The following MYO1E variants were observed in gnomAD, a reference collection of about 807,000 sequenced individuals.
MYO1E encodes myosin IE.
MYO1E carries 68 observed loss-of-function variants against 151.1 expected under a neutral mutation model. The observed-to-expected ratio is 0.45, with a 90% confidence interval of 0.37 to 0.55. The LOEUF is 0.55. Among genes scored for constraint, MYO1E ranks in the 20% least tolerant of loss-of-function variants. The probability of loss-of-function intolerance (pLI) is 0.00; values close to 1 mark genes in which losing one functional copy is unlikely to be tolerated. For missense variants in MYO1E, 1,363 were observed against 1,389.3 expected (o/e 0.98, Z 0.30); for synonymous variants, 601 against 501.7 (o/e 1.20, Z -2.64).
rs371974020 is a variant in MYO1E, at chr15:59,160,743, T to C, written c.2785+330A>G. ...CCAGTCAATTTCTTTAAAGGTGGCA[T>C]AGAGGATGATGTTGGTATTGTGGAC... On this transcript the variant is annotated intron_variant, in intron 24 of 27. Coordinates refer to ENST00000288235, the MANE Select transcript of MYO1E (RefSeq NM_004998.4). Among the ~76,000 whole-genome samples, 20 of 151,990 alleles carry C rather than the reference T, an allele frequency of 1.3e-4. No homozygotes were observed. In the East Asian group the frequency reaches 3.5e-3, roughly 26 times the overall value.
chr15:59,210,565 G>A lies in MYO1E; in HGVS notation c.1311C>T (p.Pro437=). 3 of 1,605,576 alleles carry A rather than the reference G, an allele frequency of 1.9e-6. No homozygotes were observed. The South Asian group carries it at 3.3e-5, about 18-fold the overall frequency. Reference sequence around the variant, plus strand: ...CGATTTTATTATTAAAGTACTCAATGGGTGTCCATCTTATTCCCTCTTGAA... The same window carrying A: ...CGATTTTATTATTAAAGTACTCAATAGGTGTCCATCTTATTCCCTCTTGAA... ...EYVQEGIRWT[P]IEYFNNKIVC... The change falls in exon 13 of 28, where the codon CCC becomes CCT. Residue 437 remains proline, a synonymous_variant. Transcript: ENST00000288235.
intron 9 of MYO1E, among the ~76,000 whole-genome samples, chr15:59,221,899 A>G (rs1293074291): frequency 2.6e-5 from 4 of 152,210 alleles, no homozygotes; most frequent in African/African-American, 9.7e-5. Context: ...CACCAAACCA[A>G]CACTGTTACA....
intron 1 of MYO1E, among the ~76,000 whole-genome samples, chr15:59,279,608 C>G (rs75534189): frequency 0.06 from 9,207 of 152,188 alleles, 353 homozygotes; most frequent in Non-Finnish European, 0.086. Flanking sequence ...ACACTACACT[C>G]CCCCCTGGGC....
chr15:59,333,037 GA>G (rs1365453120), intron 1 of MYO1E, among the ~76,000 whole-genome samples: 1 of 152,104 alleles, frequency 6.6e-6, no homozygotes, highest in Non-Finnish European at 1.5e-5. Context: ...TTTTCATAAA[GA>G]CTTGATCGTC....
intron 1 of MYO1E, among the ~76,000 whole-genome samples, chr15:59,320,096 C>T (rs1327109606): frequency 1.3e-5 from 2 of 152,092 alleles, no homozygotes; most frequent in Non-Finnish European, 2.9e-5. Context: ...AACTAAAATA[C>T]TTAGGAATAC....
intron 4 of MYO1E, among the ~76,000 whole-genome samples, chr15:59,240,462 G>GA (rs1238683104): frequency 2.0e-5 from 3 of 152,104 alleles, no homozygotes; most frequent in African/African-American, 7.2e-5. Flanking sequence ...ATGTTCTGGG[G>GA]AAAAAAAGCC....
intron 5 of MYO1E, among the ~76,000 whole-genome samples, chr15:59,232,394 G>C (rs1461472495): frequency 6.6e-6 from 1 of 152,206 alleles, no homozygotes; most frequent in African/African-American, 2.4e-5. Context: ...CCAGCTCCCT[G>C]GTGTTGCTGG....
At position 59,231,300 on chromosome 15, in the gene MYO1E, T is replaced by C. The variant is rs1441163425; in HGVS notation, c.510+402A>G. ...AACTCTGTGCACCCTTCAGAGTCTATGGACCAAGTTCTAAGAAGCAAAACC... is the reference window on the plus strand; with the variant it reads ...AACTCTGTGCACCCTTCAGAGTCTACGGACCAAGTTCTAAGAAGCAAAACC... On this transcript the variant is annotated intron_variant, in intron 6 of 27. Transcript: ENST00000288235. Among the ~76,000 whole-genome samples, 6 of 152,200 alleles carry C rather than the reference T, an allele frequency of 3.9e-5. No homozygotes were observed. The South Asian group carries it at 6.2e-4, about 16-fold the overall frequency.
intron 1 of MYO1E, among the ~76,000 whole-genome samples, chr15:59,343,407 G>A (rs1189904588): frequency 5.3e-5 from 8 of 151,554 alleles, no homozygotes; most frequent in Non-Finnish European, 8.8e-5. Flanking sequence ...TATGTTATTT[G>A]TTTATTTTCT....
At chr15:59,142,119 A>AC (rs1555406453) in intron 26 of MYO1E, among the ~76,000 whole-genome samples, 1 of 151,096 alleles carries the variant, frequency 6.6e-6, no homozygotes, top group Non-Finnish European at 1.5e-5. Flanking sequence ...AAAAAAAAAA[A>AC]TTTTTTTTTT....
chr15:59,138,718 G>A (rs1194850216), intron 26 of MYO1E, among the ~76,000 whole-genome samples: 8 of 152,094 alleles, frequency 5.3e-5, no homozygotes, highest in South Asian at 2.1e-4. Context: ...CTCAAGTTTC[G>A]AAATGGAACT....
Position 59,174,118 on chromosome 15 carries a change from T to A in MYO1E, c.2164+8A>T. ...ATTAAAATCAATGAAACAAAATTGC[T>A]AAAATACCTTCTTCTCTCATTTGAA... On this transcript the variant is annotated splice_region_variant and intron_variant, in intron 20 of 27. Coordinates refer to ENST00000288235, the MANE Select transcript of MYO1E (RefSeq NM_004998.4). The A allele has an allele frequency of 6.2e-7, 1 of 1,607,858 alleles. No homozygotes were observed. Among genetic ancestry groups the A allele is most frequent in the Non-Finnish European group, 8.5e-7 (1 of 1,174,294 alleles).
At chr15:59,273,662 C>T (rs557792276) in intron 1 of MYO1E, among the ~76,000 whole-genome samples, 5 of 88,320 alleles carry the variant, frequency 5.7e-5, no homozygotes, top group Middle Eastern at 5.1e-3. Flanking sequence ...TAATCTATGC[C>T]GGAGGAGACC....
chr15:59,231,691 A>G lies in MYO1E; in HGVS notation c.510+11T>C. ...TCAAGCGACACTCTCTGAAACAGGGAAGGGACTTACAAATCGGCTGGAGTT... is the reference window on the plus strand; with the variant it reads ...TCAAGCGACACTCTCTGAAACAGGGGAGGGACTTACAAATCGGCTGGAGTT... On this transcript the variant is annotated intron_variant, in intron 6 of 27. Coordinates refer to ENST00000288235, the MANE Select transcript of MYO1E (RefSeq NM_004998.4). 2 of 1,613,030 alleles carry G rather than the reference A, an allele frequency of 1.2e-6. No homozygotes were observed. The highest frequency in any genetic ancestry group is 2.2e-5 in the East Asian group (1 of 44,868).
At chr15:59,324,258 T>C (rs181357123) in intron 1 of MYO1E, among the ~76,000 whole-genome samples, 3 of 152,034 alleles carry the variant, frequency 2.0e-5, no homozygotes, top group Middle Eastern at 3.4e-3. Flanking sequence ...CATCCAAAAG[T>C]GCAAGCATCA....
intron 1 of MYO1E, among the ~76,000 whole-genome samples, chr15:59,362,326 A>C (rs1421011200): frequency 5.3e-5 from 8 of 152,228 alleles, no homozygotes; most frequent in Admixed American, 2.0e-4. Flanking sequence ...TATTGATACC[A>C]TATTATCAAA....
chr15:59,137,464 G>C lies in MYO1E; in HGVS notation c.3251-8C>G, dbSNP rs75504929. On this transcript the variant is annotated splice_polypyrimidine_tract_variant and splice_region_variant and intron_variant, in intron 27 of 27. Coordinates refer to ENST00000288235, the MANE Select transcript of MYO1E (RefSeq NM_004998.4). ...TCCACCAGCCAGAAGGATCTGCAGG[G>C]AGAGAGAGGTGGTGGAAGTGAAGAT... 551 of 1,613,208 alleles carry C rather than the reference G, an allele frequency of 3.4e-4. 2 individuals carry two copies. In the African/African-American group the frequency reaches 6.7e-3, roughly 20 times the overall value.
rs2080595727 is a variant in MYO1E at position 59,317,362 on chromosome 15, G to T, written c.4-44913C>A. 2.6e-5 allele frequency among the ~76,000 whole-genome samples: 4 copies of T among 152,146 alleles called. No individual in the cohort carries two copies. In the South Asian group the frequency reaches 6.2e-4, roughly 24 times the overall value. ...AACCTGGAACAAGGTGCCAAAAGCT[G>T]GTAACTAAGTAGAATTTAATCTGGC... On this transcript the variant is annotated intron_variant, in intron 1 of 27. Coordinates refer to ENST00000288235, the MANE Select transcript of MYO1E (RefSeq NM_004998.4).
At position 59,217,519 on chromosome 15, in the gene MYO1E, C is replaced by CTTTTTTTTTTTTTTTTT. The variant is rs1164320277; in HGVS notation, c.1107+355_1107+371dup. 1.0e-3 allele frequency among the ~76,000 whole-genome samples: 55 copies of CTTTTTTTTTTTTTTTTT among 53,160 alleles called. 7 individuals are homozygous for CTTTTTTTTTTTTTTTTT. The highest frequency in any genetic ancestry group is 3.5e-3 in the African/African-American group (50 of 14,382). The allele number at this position is 53,160 out of a possible 152,430, so 34.9% of individuals were successfully genotyped here. A position where few individuals can be genotyped will look rare whatever the true frequency, so the allele number is the denominator to read the frequency against. ...AACACAAAACCCTCAGTCGTTTTAC[C>CTTTTTTTTTTTTTTTTT]TTTTTTTTTTTTTTTTTTTTTTGGG... is the stretch of plus-strand genomic sequence containing the variant. On this transcript the variant is annotated intron_variant, in intron 10 of 27. Coordinates refer to ENST00000288235, the MANE Select transcript of MYO1E (RefSeq NM_004998.4).
Sources: allele counts gnomAD v4.1 joint callset (sites outside exome capture counted in the v4.1 genomes callset), GRCh38; gene constraint gnomAD v4.1.1; transcripts MANE v1.5; gene names NCBI Gene and HGNC (gene_info 2026-07-23, HGNC 2026-07-21).